The following RALGAPB variants were observed in gnomAD, a reference collection of about 807,000 sequenced individuals.
RALGAPB encodes the protein Ral GTPase activating protein non-catalytic subunit beta.
RALGAPB carries 25 observed loss-of-function variants against 161.1 expected under a neutral mutation model. That is an observed-to-expected ratio of 0.16 (90% CI 0.11 to 0.22). The LOEUF is 0.22. RALGAPB is among the 10% of genes least tolerant of loss of function. The probability of loss-of-function intolerance (pLI) is 1.00; values close to 1 mark genes in which losing one functional copy is unlikely to be tolerated. For synonymous variants in RALGAPB, 629 were observed against 626.1 expected, an observed-to-expected ratio of 1.00 and a Z score of -0.07; for missense variants, 1,391 against 1,815.2, an observed-to-expected ratio of 0.77 and a Z score of 4.25.
chr20:38,575,135 G>A lies in RALGAPB; in HGVS notation c.*168G>A. ...ATAACCCATTTGATAGAAGACTTTG[G>A]GCTATCTAGTGAAATGGGCTCCCAG... is the stretch of plus-strand genomic sequence containing the variant. On this transcript the variant is annotated 3_prime_UTR_variant, in exon 30 of 30. Coordinates refer to ENST00000262879, the MANE Select transcript of RALGAPB (RefSeq NM_020336.4). 1.6e-6 allele frequency: 1 copy of A among 618,698 alleles called. No homozygotes were observed. The highest frequency in any genetic ancestry group is 2.1e-5 in the South Asian group (1 of 46,858). 38.3% of individuals were successfully genotyped at this position (618,698 alleles called of 1,614,324 possible).
intron 18 of RALGAPB, among the ~76,000 whole-genome samples, chr20:38,545,245 A>T (rs2145410146): frequency 6.6e-6 from 1 of 152,300 alleles, no homozygotes; most frequent in East Asian, 1.9e-4. Flanking sequence ...TCATGATATT[A>T]TATGAAATGT....
rs1286586975 is a variant in RALGAPB at position 38,521,587 on chromosome 20, G to A, written c.1508G>A (p.Ser503Asn). 6.2e-7 allele frequency: 1 copy of A among 1,614,226 alleles called. No homozygotes were observed. Among genetic ancestry groups the A allele is most frequent in the Non-Finnish European group, 8.5e-7 (1 of 1,180,034 alleles). The change falls in exon 10 of 30, where the codon AGT becomes AAT. Residue 503 changes from serine (S) to asparagine (N), a missense_variant. Around this residue, in one of 3 missense-constraint regions of RALGAPB, gnomAD observed 946 missense variants for 1,257.2 expected, o/e 0.75. Coordinates refer to ENST00000262879, the MANE Select transcript of RALGAPB (RefSeq NM_020336.4). Reference protein sequence around the residue: ...TMVSNPMFDASEFPDNYEAGR... With the variant: ...TMVSNPMFDANEFPDNYEAGR... ...GTTTCCAATCCTATGTTTGATGCAA[G>A]TGAATTTCCTGATAACTATGAAGCA...
intron 2 of RALGAPB, among the ~76,000 whole-genome samples, chr20:38,491,145 G>A (rs916674064): frequency 2.6e-5 from 4 of 152,174 alleles, no homozygotes; most frequent in Non-Finnish European, 5.9e-5. Flanking sequence ...GTTAAACCAT[G>A]TATTTCCTAC....
chr20:38,526,014 G>A lies in RALGAPB; in HGVS notation c.2022G>A (p.Thr674=), dbSNP rs767630042. 5 of 1,613,588 alleles carry A rather than the reference G, an allele frequency of 3.1e-6. No homozygotes were observed. In the African/African-American group the frequency reaches 4.0e-5, roughly 13 times the overall value. ...TAATAGGTGCCTTGCAAACTGAAAC[G>A]GACCCCAACAACACCCAAATGATAT... is the stretch of plus-strand genomic sequence containing the variant. ...NILIGALQTE[T]DPNNTQMILG... The change falls in exon 13 of 30, where the codon ACG becomes ACA. Residue 674 remains threonine (T), a synonymous_variant. Transcript: ENST00000262879.
Position 38,565,007 on chromosome 20 carries a change from C to G in RALGAPB, c.3698-352C>G, listed in dbSNP as rs375752965. ...CCTGCCTGCCTGCCTGCCTGTCTCT[C>G]TGGCCCAACTCCCTTCTGAGGGACT... On this transcript the variant is annotated intron_variant, in intron 24 of 29. Coordinates refer to ENST00000262879, the MANE Select transcript of RALGAPB (RefSeq NM_020336.4). Among the ~76,000 whole-genome samples the G allele has an allele frequency of 7.9e-5, 12 of 151,612 alleles. No homozygotes were observed. The East Asian group carries it at 1.4e-3, about 17-fold the overall frequency.
At chr20:38,480,905 T>A (rs1462935308) in intron 1 of RALGAPB, among the ~76,000 whole-genome samples, 4 of 150,908 alleles carry the variant, frequency 2.7e-5, no homozygotes, top group East Asian at 3.9e-4. Flanking sequence ...GCCCGGCTAA[T>A]TTTTTTTTGT....
intron 10 of RALGAPB, among the ~76,000 whole-genome samples, chr20:38,524,334 C>T (rs964640070): frequency 6.6e-6 from 1 of 152,130 alleles, no homozygotes; most frequent in Non-Finnish European, 1.5e-5. Flanking sequence ...CTAAATGTTG[C>T]AACATTTTTC....
chr20:38,566,062 G>A (rs2087985788), intron 25 of RALGAPB, among the ~76,000 whole-genome samples: 1 of 152,186 alleles, frequency 6.6e-6, no homozygotes, highest in Admixed American at 6.5e-5. Context: ...TGACCGAGTA[G>A]GTGGTCTGGC....
chr20:38,552,111 A>G (rs1201623970), intron 21 of RALGAPB, among the ~76,000 whole-genome samples: 1 of 151,218 alleles, frequency 6.6e-6, no homozygotes, highest in Non-Finnish European at 1.5e-5. Context: ...AGCTTAAGGA[A>G]ATGGCCTCGT....
At position 38,575,573 on chromosome 20, in the gene RALGAPB, CA is replaced by C. The variant is rs1353854184; in HGVS notation, c.*611del. Reference sequence around the variant, plus strand: ...ATGTCATATTTTTTTCTCCACATTTCAAAAAGTTGTCCTTCTCATCACTGCA... The same window carrying C: ...ATGTCATATTTTTTTCTCCACATTTCAAAAGTTGTCCTTCTCATCACTGCA... On this transcript the variant is annotated 3_prime_UTR_variant, in exon 30 of 30. Transcript: ENST00000262879. The C allele has an allele frequency of 6.5e-6, 1 of 154,026 alleles. No homozygotes were observed. Among genetic ancestry groups the C allele is most frequent in the Non-Finnish European group, 1.4e-5 (1 of 69,240 alleles). The allele number at this position is 154,026 out of a possible 1,614,324, so 9.5% of individuals were successfully genotyped here.
chr20:38,557,971 A>G (rs745659093), intron 22 of RALGAPB, among the ~76,000 whole-genome samples: 2 of 152,244 alleles, frequency 1.3e-5, no homozygotes, highest in African/African-American at 4.8e-5. Flanking sequence ...TAGCTGTACC[A>G]TTTTGCATTT....
intron 6 of RALGAPB, among the ~76,000 whole-genome samples, chr20:38,511,546 G>A (rs914509696): frequency 6.6e-5 from 10 of 152,140 alleles, no homozygotes; most frequent in Non-Finnish European, 1.2e-4. Flanking sequence ...TAACGGGTAT[G>A]CTGCCTTCAA....
Position 38,509,100 on chromosome 20 carries a change from C to G in RALGAPB, c.764C>G (p.Pro255Arg). The G allele has an allele frequency of 6.2e-7, 1 of 1,613,586 alleles. No homozygotes were observed. The highest frequency in any genetic ancestry group is 8.5e-7 in the Non-Finnish European group (1 of 1,179,540). Reference sequence around the variant, plus strand: ...AGATTGCTACGCTTTACATATGGTCCTTCATTTCCTGCATTTAAAGTTCCC... The same window carrying G: ...AGATTGCTACGCTTTACATATGGTCGTTCATTTCCTGCATTTAAAGTTCCC... ...TSRLLRFTYG[P>R]SFPAFKVPDE... The change falls in exon 6 of 30, where the codon CCT becomes CGT. Residue 255 changes from proline to arginine, a missense_variant. This residue lies in a region of RALGAPB where 946 missense variants were observed against 1,257.2 expected (regional missense o/e 0.75). Transcript: ENST00000262879.
intron 5 of RALGAPB, among the ~76,000 whole-genome samples, chr20:38,502,929 A>G (rs1472815172): frequency 6.6e-6 from 1 of 152,040 alleles, no homozygotes; most frequent in Non-Finnish European, 1.5e-5. Flanking sequence ...TTTTTTAAAG[A>G]GGGGGTCTTG....
intron 13 of RALGAPB, 45 bp from the exon 14 acceptor site, chr20:38,531,122 G>A: frequency 6.8e-7 from 1 of 1,465,938 alleles, no homozygotes; most frequent in Non-Finnish European, 9.5e-7. Context: ...GCATTTTAGT[G>A]TTCTTGTGTA....
chr20:38,543,038 T>C (rs1478860621), intron 18 of RALGAPB, among the ~76,000 whole-genome samples: 3 of 152,102 alleles, frequency 2.0e-5, no homozygotes, highest in Admixed American at 2.0e-4. Context: ...GCAGTGAGGA[T>C]TGGATATGTG....
intron 14 of RALGAPB, among the ~76,000 whole-genome samples, chr20:38,531,627 C>G (rs905992790): frequency 1.3e-5 from 2 of 152,194 alleles, no homozygotes; most frequent in African/African-American, 4.8e-5. Flanking sequence ...CCTAAGTTTG[C>G]AGGTCCCTCA....
intron 23 of RALGAPB, among the ~76,000 whole-genome samples, chr20:38,559,899 G>A (rs944114930): frequency 2.6e-5 from 4 of 152,176 alleles, no homozygotes; most frequent in East Asian, 1.9e-4. Context: ...GGAAAGAGCC[G>A]AAGGAAGACT....
At position 38,532,866 on chromosome 20, in the gene RALGAPB, CG is replaced by C; in HGVS notation, c.2245+8del. On this transcript the variant is annotated splice_region_variant and intron_variant, in intron 15 of 29. Transcript: ENST00000262879. ...GCTCTCTTAAGAGATTATGGTTAGT[CG>C]TGTTTCTTTTGAAATTCAAAGTTTA... The C allele has an allele frequency of 6.2e-7, 1 of 1,609,136 alleles. No homozygotes were observed. Among genetic ancestry groups the C allele is most frequent in the Non-Finnish European group, 8.5e-7 (1 of 1,176,788 alleles).
Sources: allele counts gnomAD v4.1 joint callset (sites outside exome capture counted in the v4.1 genomes callset), GRCh38; gene constraint gnomAD v4.1.1; regional missense constraint gnomAD v4.1.1; transcripts MANE v1.5; gene names NCBI Gene and HGNC (gene_info 2026-07-23, HGNC 2026-07-21).